The following CCDC141 variants were observed in gnomAD, a reference collection of about 807,000 sequenced individuals.
CCDC141 encodes the protein coiled-coil domain containing 141.
Under a neutral mutation model 181.0 loss-of-function variants are expected in CCDC141, and 168 were observed. The ratio of observed to expected loss-of-function variants is 0.93; its 90% CI spans 0.82 to 1.05. CCDC141 has a LOEUF of 1.05. CCDC141 is among the 50% of genes least tolerant of loss of function. The pLI, the probability that CCDC141 is intolerant of heterozygous loss-of-function variation, is 0.00. For missense variants in CCDC141, 1,902 were observed against 1,788.5 expected (o/e 1.06, Z -1.14); for synonymous variants, 666 against 642.3 (o/e 1.04, Z -0.56).
At chr2:178,975,191 C>A in intron 3 of CCDC141, 26 bp from the exon 4 acceptor site, 1 of 1,164,084 alleles carries the variant, frequency 8.6e-7, no homozygotes, top group South Asian at 1.6e-5. Flanking sequence ...AGAGGAAAGA[C>A]ATTTGACATT....
chr2:178,836,791 A>G, intron 23 of CCDC141, 103 bp downstream of exon 23: 1 of 1,295,074 alleles, frequency 7.7e-7, no homozygotes, highest in Non-Finnish European at 1.1e-6. Context: ...GTCATAGAAT[A>G]TTAATCAGCT....
rs150141190 is a variant in CCDC141, at chr2:178,878,048, C to T, written c.1815G>A (p.Ser605=). The change falls in exon 12 of 24, where the codon TCG becomes TCA. Residue 605 remains serine (S), a synonymous_variant. Coordinates refer to ENST00000443758, the MANE Select transcript of CCDC141 (RefSeq NM_173648.4). ...AAAATAGCTGCCACTGCTTCTCAGC[C>T]GAGTCAGAACAATGCTTGGCTTTAG... is the stretch of plus-strand genomic sequence containing the variant. ...DDAKAKHCSD[S]AEKQWQLFLK... is the part of the protein sequence containing the mutation. 3.8e-5 allele frequency: 61 copies of T among 1,613,666 alleles called. No homozygotes were observed. Among genetic ancestry groups the T allele is most frequent in the Middle Eastern group, 1.6e-4 (1 of 6,082 alleles).
At chr2:178,901,220 A>C (rs1367817872) in intron 8 of CCDC141, among the ~76,000 whole-genome samples, 1 of 152,206 alleles carries the variant, frequency 6.6e-6, no homozygotes, top group African/African-American at 2.4e-5. Flanking sequence ...TATTCCAATC[A>C]ATAGAAAAAG....
At position 179,015,118 on chromosome 2, in the gene CCDC141, CATATATA is replaced by C. The variant is rs2042423054; in HGVS notation, c.225+32159_225+32165del. On this transcript the variant is annotated intron_variant, in intron 2 of 23. Transcript: ENST00000443758. Reference sequence around the variant, plus strand: ...TATATATATATAATATATATATAATCATATATATATATCATATCATATATATCAATAT... The same window carrying C: ...TATATATATATAATATATATATAATCTATATCATATCATATATATCAATAT... Among the ~76,000 whole-genome samples, 5 of 25,934 alleles carry C rather than the reference CATATATA, an allele frequency of 1.9e-4. 1 individual carries two copies. Among genetic ancestry groups the C allele is most frequent in the Non-Finnish European group, 6.1e-4 (5 of 8,192 alleles). 17.0% of individuals were successfully genotyped at this position (25,934 alleles called of 152,430 possible).
At chr2:179,007,004 C>T (rs1187623102) in intron 2 of CCDC141, among the ~76,000 whole-genome samples, 1 of 152,148 alleles carries the variant, frequency 6.6e-6, no homozygotes. Flanking sequence ...AAAGTAATGA[C>T]ATAGGGCCAG....
chr2:179,003,521 C>T (rs1559041109), intron 2 of CCDC141, among the ~76,000 whole-genome samples: 1 of 151,406 alleles, frequency 6.6e-6, no homozygotes, highest in African/African-American at 2.4e-5. Flanking sequence ...TAGTAAAGTG[C>T]CTCAAATATA....
At chr2:178,968,642 T>C (rs1485673994) in intron 4 of CCDC141, among the ~76,000 whole-genome samples, 1 of 152,084 alleles carries the variant, frequency 6.6e-6, no homozygotes, top group Non-Finnish European at 1.5e-5. Flanking sequence ...GCAGGAAAGA[T>C]CTAAAATTGA....
At chr2:178,987,056 G>A (rs1241273192) in intron 2 of CCDC141, among the ~76,000 whole-genome samples, 2 of 150,734 alleles carry the variant, frequency 1.3e-5, no homozygotes, top group Admixed American at 6.6e-5. Context: ...CACACTACCT[G>A]ACTTCAAACT....
intron 22 of CCDC141, among the ~76,000 whole-genome samples, chr2:178,839,641 A>G (rs895772419): frequency 6.6e-6 from 1 of 150,762 alleles, no homozygotes. Context: ...AAGCAAAGCA[A>G]TGTTGCTTCT....
chr2:178,849,980 G>A, intron 21 of CCDC141, 69 bp downstream of exon 21: 1 of 828,448 alleles, frequency 1.2e-6, no homozygotes, highest in Non-Finnish European at 2.0e-6. Context: ...CTTTGCACCA[G>A]AAGACATTTG....
intron 4 of CCDC141, among the ~76,000 whole-genome samples, chr2:178,965,659 C>T (rs1311337534): frequency 6.6e-6 from 1 of 152,202 alleles, no homozygotes; most frequent in Non-Finnish European, 1.5e-5. Flanking sequence ...CCCACCAGGG[C>T]CCTGGGTTTC....
intron 21 of CCDC141, among the ~76,000 whole-genome samples, chr2:178,846,339 G>C (rs1684939057): frequency 6.6e-6 from 1 of 152,156 alleles, no homozygotes; most frequent in South Asian, 2.1e-4. Flanking sequence ...TGTGGAGTCA[G>C]TGCAAGAGCC....
intron 2 of CCDC141, among the ~76,000 whole-genome samples, chr2:179,024,713 A>G (rs901345808): frequency 6.6e-6 from 1 of 152,128 alleles, no homozygotes; most frequent in Non-Finnish European, 1.5e-5. Flanking sequence ...ACTACTCAAT[A>G]CTTCTGTGTT....
rs1370203143 is a variant in CCDC141 at position 178,884,976 on chromosome 2, G to T, written c.1644C>A (p.Asn548Lys). The T allele has an allele frequency of 8.4e-6, 13 of 1,550,300 alleles. No individual in the cohort carries two copies. The highest frequency in any genetic ancestry group is 1.4e-5 in the African/African-American group (1 of 73,038). Residue 548 changes from asparagine (N) to lysine (K), a missense_variant, in exon 11 of 24, where the codon AAC (asparagine) becomes AAA (lysine). By Grantham distance (94) the Asn-to-Lys change is moderately conservative. Coordinates refer to ENST00000443758, the MANE Select transcript of CCDC141 (RefSeq NM_173648.4). ...SKARWLAEELNLFGQSIDYRS... is the reference protein window; with the variant it reads ...SKARWLAEELKLFGQSIDYRS... ...TATAGTCAATGCTTTGGCCAAATAG[G>T]TTTAATTCTTCTGCTAGCCATCTAG...
intron 18 of CCDC141, 44 bp downstream of exon 18, chr2:178,856,213 A>C (rs1391269516): frequency 2.0e-6 from 3 of 1,496,614 alleles, no homozygotes; most frequent in South Asian, 2.8e-5. Context: ...TGTGTAGTAC[A>C]TGCATACACA....
intron 2 of CCDC141, among the ~76,000 whole-genome samples, chr2:178,996,575 T>G (rs1692298041): frequency 6.6e-6 from 1 of 152,198 alleles, no homozygotes; most frequent in South Asian, 2.1e-4. Context: ...TTAGGCTTGT[T>G]AAACACATAA....
At chr2:178,875,924 G>C (rs531084713) in intron 12 of CCDC141, 32 of 152,222 alleles carry the variant, frequency 2.1e-4, no homozygotes, top group African/African-American at 6.7e-4. Flanking sequence ...TAGATAGATA[G>C]ATAATACATG....
intron 2 of CCDC141, among the ~76,000 whole-genome samples, chr2:179,005,674 G>A (rs1047580084): frequency 2.0e-5 from 3 of 151,666 alleles, no homozygotes; most frequent in Admixed American, 6.6e-5. Context: ...TCACTCTGTC[G>A]CCCAGGCTGG....
At chr2:178,947,252 TTA>T (rs1689770811) in intron 5 of CCDC141, among the ~76,000 whole-genome samples, 3 of 152,148 alleles carry the variant, frequency 2.0e-5, no homozygotes, top group African/African-American at 7.2e-5. Flanking sequence ...AGCTTTTAAA[TTA>T]TGTCAGCTGC....
Sources: gnomAD v4.1 joint callset for allele counts (sites outside exome capture counted in the v4.1 genomes callset) on GRCh38, gnomAD v4.1.1 for gene constraint, MANE v1.5 for transcripts, NCBI Gene and HGNC (gene_info 2026-07-23, HGNC 2026-07-21) for gene names.